Variants in CNKSR3 observed in about 807,000 individuals in gnomAD.
The protein encoded by CNKSR3 is CNKSR family member 3.
In CNKSR3, 36 loss-of-function variants were observed where a neutral mutation model predicts 67.7. The observed-to-expected ratio is 0.53, with a 90% CI of 0.41 to 0.70. The LOEUF is 0.70. CNKSR3 is among the 30% of genes least tolerant of loss of function. CNKSR3 has a pLI of 0.00. For missense variants in CNKSR3, 630 were observed against 695.2 expected, an observed-to-expected ratio of 0.91 and a Z score of 1.05; for synonymous variants, 281 against 271.4, an observed-to-expected ratio of 1.04 and a Z score of -0.35.
intron 7 of CNKSR3, among the ~76,000 whole-genome samples, chr6:154,426,222 G>A (rs1785251939): frequency 6.6e-6 from 1 of 152,152 alleles, no homozygotes; most frequent in Admixed American, 6.6e-5. Flanking sequence ...GGGAATACCA[G>A]GACAGCCCCT....
At chr6:154,411,969 G>A (rs879457752) in intron 10 of CNKSR3, among the ~76,000 whole-genome samples, 11 of 152,172 alleles carry the variant, frequency 7.2e-5, no homozygotes, top group Admixed American at 2.6e-4. Context: ...GCAAAAGTTG[G>A]ATCACTGATT....
chr6:154,441,271 T>TA, intron 4 of CNKSR3, 21 bp downstream of exon 4: 1 of 1,153,812 alleles, frequency 8.7e-7, no homozygotes, highest in Non-Finnish European at 1.2e-6. Context: ...AAAAAGAAAG[T>TA]GAAAATGACA....
At chr6:154,430,916 T>C (rs940064978) in intron 5 of CNKSR3, among the ~76,000 whole-genome samples, 3 of 151,814 alleles carry the variant, frequency 2.0e-5, no homozygotes, top group Non-Finnish European at 4.4e-5. Flanking sequence ...TTTTCAATGA[T>C]TGCTCACAGT....
At chr6:154,497,601 AT>A (rs1786905197) in intron 1 of CNKSR3, among the ~76,000 whole-genome samples, 1 of 152,232 alleles carries the variant, frequency 6.6e-6, no homozygotes, top group Admixed American at 6.5e-5. Flanking sequence ...AATGGTTGAA[AT>A]AAAAATCTAA....
intron 9 of CNKSR3, among the ~76,000 whole-genome samples, chr6:154,415,176 G>A (rs1784996442): frequency 6.7e-6 from 1 of 148,634 alleles, no homozygotes; most frequent in African/African-American, 2.5e-5. Flanking sequence ...TATTGACTAG[G>A]AGTATTGCTT....
In CNKSR3 at chr6:154,424,586, G is replaced by A. The variant is rs1186498701; in HGVS notation, c.730-1603C>T. Among the ~76,000 whole-genome samples, 3 of 152,282 alleles carry A rather than the reference G, an allele frequency of 2.0e-5. No individual in the cohort carries two copies. The East Asian group carries it at 5.8e-4, about 29-fold the overall frequency. ...TCTAAATTGTTGTGACAGGCTCAAC[G>A]GGAAATTAACAAGCAGCCCTAAACT... On this transcript the variant is annotated intron_variant, in intron 7 of 12. Coordinates refer to ENST00000607772, the MANE Select transcript of CNKSR3 (RefSeq NM_173515.4).
rs1784643940 is a variant in CNKSR3, at chr6:154,394,974, A to T, written c.*11380T>A. 1 of 152,222 alleles carries T rather than the reference A, an allele frequency of 6.6e-6. No individual in the cohort carries two copies. Among genetic ancestry groups the T allele is most frequent in the South Asian group, 2.1e-4 (1 of 4,828 alleles). The allele number at this position is 152,222 out of a possible 1,614,324, so 9.4% of individuals were successfully genotyped here. A position where few individuals can be genotyped will look rare whatever the true frequency, so the allele number is the denominator to read the frequency against. On this transcript the variant is annotated 3_prime_UTR_variant, in exon 13 of 13. Coordinates refer to ENST00000607772, the MANE Select transcript of CNKSR3 (RefSeq NM_173515.4). ...TGGTCTGAGCACAGAGAATGAATCTAGGAGAGAGGTGACTGGTTTGGGCTG... is the reference window on the plus strand; with the variant it reads ...TGGTCTGAGCACAGAGAATGAATCTTGGAGAGAGGTGACTGGTTTGGGCTG...
intron 9 of CNKSR3, 124 bp from the exon 10 acceptor site, chr6:154,414,547 A>G (rs1784979385): frequency 1.0e-6 from 1 of 966,602 alleles, no homozygotes; most frequent in African/African-American, 1.6e-5. Flanking sequence ...GAGGTCATTC[A>G]TGTGTTTACA....
chr6:154,459,515 A>G (rs1398391331), intron 1 of CNKSR3, among the ~76,000 whole-genome samples: 1 of 152,230 alleles, frequency 6.6e-6, no homozygotes, highest in Non-Finnish European at 1.5e-5. Context: ...TGATCTACAC[A>G]TTGCTGAAGA....
At chr6:154,503,551 C>T (rs1350905920) in intron 1 of CNKSR3, among the ~76,000 whole-genome samples, 1 of 151,708 alleles carries the variant, frequency 6.6e-6, no homozygotes, top group Non-Finnish European at 1.5e-5. Context: ...TCACTCAAGC[C>T]TCAAGCCCTG....
chr6:154,497,482 G>A (rs543495026), intron 1 of CNKSR3, among the ~76,000 whole-genome samples: 8 of 152,116 alleles, frequency 5.3e-5, no homozygotes, highest in East Asian at 1.9e-4. Context: ...TTCCGGACAC[G>A]GATTTCATTT....
At chr6:154,410,763 C>T (rs74825485) in intron 11 of CNKSR3, among the ~76,000 whole-genome samples, 171 bp downstream of exon 11, 3,044 of 152,122 alleles carry the variant, frequency 0.02, 116 homozygotes, top group African/African-American at 0.069. Context: ...AACAAGGATC[C>T]GCTTGACAGA....
chr6:154,452,004 C>T (rs1463047481), intron 1 of CNKSR3, among the ~76,000 whole-genome samples: 1 of 152,114 alleles, frequency 6.6e-6, no homozygotes, highest in Non-Finnish European at 1.5e-5. Context: ...GTGTTGAGAC[C>T]AACACCCTAC....
chr6:154,466,883 C>T (rs1786213849), intron 1 of CNKSR3, among the ~76,000 whole-genome samples: 2 of 151,806 alleles, frequency 1.3e-5, no homozygotes, highest in African/African-American at 4.8e-5. Context: ...CCTGAGCCTC[C>T]TAAAGTCCTG....
intron 1 of CNKSR3, among the ~76,000 whole-genome samples, chr6:154,488,373 G>A (rs549181133): frequency 1.6e-4 from 24 of 152,040 alleles, no homozygotes; most frequent in Admixed American, 2.6e-4. Flanking sequence ...ATGGACATTT[G>A]TACTTTTTTA....
chr6:154,418,203 A>G (rs1785061036), intron 9 of CNKSR3, among the ~76,000 whole-genome samples: 1 of 152,172 alleles, frequency 6.6e-6, no homozygotes, highest in Non-Finnish European at 1.5e-5. Flanking sequence ...GTGTGGCTCC[A>G]CCAGGATGCT....
intron 5 of CNKSR3, among the ~76,000 whole-genome samples, chr6:154,430,952 TAA>T (rs1259050211): frequency 8.9e-5 from 12 of 134,224 alleles, no homozygotes; most frequent in Admixed American, 1.5e-4. Context: ...ATTGACAAGG[TAA>T]AAAAAAAAAA....
At chr6:154,497,528 A>C (rs1786904025) in intron 1 of CNKSR3, among the ~76,000 whole-genome samples, 1 of 152,252 alleles carries the variant, frequency 6.6e-6, no homozygotes, top group Non-Finnish European at 1.5e-5. Flanking sequence ...AGCATAAAGC[A>C]GAGTAATTGG....
rs1039182520 is a variant in CNKSR3, at chr6:154,406,658, T to C, written c.1370-6A>G. On this transcript the variant is annotated splice_region_variant and splice_polypyrimidine_tract_variant and intron_variant, in intron 12 of 12. Transcript: ENST00000607772. ...CCGGCAAAGGGCATCCTCCCCTGTT[T>C]CCAGACAAAGTCCATTAAGTCACAA... is the stretch of plus-strand genomic sequence containing the variant. 6.2e-7 allele frequency: 1 copy of C among 1,607,734 alleles called. No individual in the cohort carries two copies. The highest frequency in any genetic ancestry group is 1.1e-5 in the South Asian group (1 of 90,538).
Sources: allele counts gnomAD v4.1 joint callset (sites outside exome capture counted in the v4.1 genomes callset), GRCh38; gene constraint gnomAD v4.1.1; transcripts MANE v1.5; gene names NCBI Gene and HGNC (gene_info 2026-07-23, HGNC 2026-07-21).